Variants in TP63 observed in about 807,000 individuals in gnomAD.
The protein encoded by TP63 is tumor protein 63.
TP63 carries 17 observed loss-of-function variants against 82.8 expected under a neutral mutation model. That is an observed-to-expected ratio of 0.21 (90% CI 0.14 to 0.31). TP63 has a LOEUF of 0.31. Ranked by LOEUF, TP63 falls within the 10% of genes least tolerant of loss-of-function variation. TP63 has a pLI of 1.00. For synonymous variants in TP63, 330 were observed against 321.7 expected (o/e 1.03, Z -0.28); for missense variants, 648 against 895.3 (o/e 0.72, Z 3.52).
At position 189,896,129 on chromosome 3, in the gene TP63, T is replaced by C. The variant is rs1031088555; in HGVS notation, c.*1627T>C. 1 of 220,812 alleles carries C rather than the reference T, an allele frequency of 4.5e-6. No homozygotes were observed. Among genetic ancestry groups the C allele is most frequent in the Non-Finnish European group, 9.1e-6 (1 of 110,020 alleles). 13.7% of individuals were successfully genotyped at this position (220,812 alleles called of 1,614,324 possible). A position where few individuals can be genotyped will look rare whatever the true frequency, so the allele number is the denominator to read the frequency against. On this transcript the variant is annotated 3_prime_UTR_variant, in exon 14 of 14. Transcript: ENST00000264731. ...ATGCATGCAAATGAGCTCTGAAATCTTCCCATGCATTCTGGTCAAGGGCTG... is the reference window on the plus strand; with the variant it reads ...ATGCATGCAAATGAGCTCTGAAATCCTCCCATGCATTCTGGTCAAGGGCTG...
At chr3:189,769,611 T>C (rs756381428) in intron 3 of TP63, among the ~76,000 whole-genome samples, 1 of 152,190 alleles carries the variant, frequency 6.6e-6, no homozygotes, top group African/African-American at 2.4e-5. Context: ...ACAAATATGA[T>C]TATAATAAAT....
At chr3:189,682,532 A>AG (rs762483663) in intron 1 of TP63, among the ~76,000 whole-genome samples, 1 of 57,482 alleles carries the variant, frequency 1.7e-5, no homozygotes, top group Non-Finnish European at 3.2e-5. Flanking sequence ...CTTGGTCCTA[A>AG]GGGGAAAAAA....
At chr3:189,873,173 A>G (rs901570600) in intron 10 of TP63, 178 bp downstream of exon 10, 1 of 824,744 alleles carries the variant, frequency 1.2e-6, no homozygotes, top group Non-Finnish European at 2.0e-6. Flanking sequence ...GTGTCTTATT[A>G]TAACCTTCCC....
chr3:189,829,691 TAAAG>T (rs1406874296), intron 4 of TP63, among the ~76,000 whole-genome samples: 2 of 152,162 alleles, frequency 1.3e-5, no homozygotes, highest in Admixed American at 6.5e-5. Context: ...TTGGAGCTCT[TAAAG>T]AAAAATAAAA....
chr3:189,660,531 C>T (rs1275061710), intron 1 of TP63, among the ~76,000 whole-genome samples: 1 of 152,034 alleles, frequency 6.6e-6, no homozygotes, highest in South Asian at 2.1e-4. Flanking sequence ...CTTAGGATTG[C>T]TTTGAATTTT....
At chr3:189,709,960 A>G (rs1485385103) in intron 1 of TP63, among the ~76,000 whole-genome samples, 1 of 152,210 alleles carries the variant, frequency 6.6e-6, no homozygotes, top group Non-Finnish European at 1.5e-5. Flanking sequence ...CATATTTATC[A>G]ATAAATGCTT....
chr3:189,668,357 T>A (rs919624393), intron 1 of TP63, among the ~76,000 whole-genome samples: 1 of 148,790 alleles, frequency 6.7e-6, no homozygotes, highest in African/African-American at 2.5e-5. Flanking sequence ...AATAAAAACT[T>A]AAAGGAAACT....
intron 1 of TP63, among the ~76,000 whole-genome samples, chr3:189,656,999 G>GA (rs1332036133): frequency 1.5e-5 from 2 of 131,826 alleles, no homozygotes; most frequent in East Asian, 2.2e-4. Context: ...GCAAAAAAAA[G>GA]AAAAAATATT....
At chr3:189,600,699 T>TCCTTACTACCAGG in the TP63 span, among the ~76,000 whole-genome samples, 1 of 152,174 alleles carries the variant, frequency 6.6e-6, no homozygotes, top group East Asian at 1.9e-4. Flanking sequence ...CTACTAAAAC[T>TCCTTACTACCAGG]CCTTACTACC....
At chr3:189,654,110 C>A (rs1468925553) in intron 1 of TP63, among the ~76,000 whole-genome samples, 1 of 152,084 alleles carries the variant, frequency 6.6e-6, no homozygotes, top group Non-Finnish European at 1.5e-5. Context: ...CAAGTTTGTA[C>A]TTATTAGCCT....
At chr3:189,882,969 C>G (rs1271722877) in intron 10 of TP63, among the ~76,000 whole-genome samples, 5 of 152,100 alleles carry the variant, frequency 3.3e-5, no homozygotes, top group African/African-American at 1.2e-4. Flanking sequence ...TAGTGAGGCT[C>G]TAGAGAAAAC....
intron 1 of TP63, among the ~76,000 whole-genome samples, chr3:189,677,198 TTG>T (rs140059391): frequency 1.7e-4 from 25 of 148,584 alleles, no homozygotes; most frequent in Middle Eastern, 3.5e-3. Context: ...TGGTGTGTGT[TTG>T]TGTGTGTGTG....
intron 11 of TP63, among the ~76,000 whole-genome samples, chr3:189,888,010 C>T (rs1164901830): frequency 6.6e-6 from 1 of 152,100 alleles, no homozygotes; most frequent in Non-Finnish European, 1.5e-5. Context: ...GCGTGCACCA[C>T]CACGCCCGGC....
At chr3:189,662,247 G>A (rs868518911) in intron 1 of TP63, among the ~76,000 whole-genome samples, 7 of 152,094 alleles carry the variant, frequency 4.6e-5, no homozygotes, top group Admixed American at 3.3e-4. Context: ...GCATCCCAAC[G>A]ATTTTGGTAT....
At chr3:189,833,501 T>C (rs925462361) in intron 4 of TP63, among the ~76,000 whole-genome samples, 7 of 152,226 alleles carry the variant, frequency 4.6e-5, no homozygotes, top group African/African-American at 1.7e-4. Context: ...TGGGGACTTA[T>C]ATGTATTTTC....
At chr3:189,665,275 T>C (rs554214584) in intron 1 of TP63, among the ~76,000 whole-genome samples, 7 of 152,264 alleles carry the variant, frequency 4.6e-5, no homozygotes, top group South Asian at 4.1e-4. Context: ...CAGGGATTTT[T>C]ATCTCAGATA....
intron 1 of TP63, among the ~76,000 whole-genome samples, chr3:189,655,410 A>G (rs965467330): frequency 2.6e-5 from 4 of 152,166 alleles, no homozygotes; most frequent in Non-Finnish European, 5.9e-5. Flanking sequence ...GCATCACCTG[A>G]GGTCAAGAGT....
rs34713855 is a variant in TP63 at position 189,894,480 on chromosome 3, G to T, written c.2021G>T (p.Arg674Leu). 2 of 1,613,608 alleles carry T rather than the reference G, an allele frequency of 1.2e-6. No homozygotes were observed. The highest frequency in any genetic ancestry group is 1.7e-6 in the Non-Finnish European group (2 of 1,179,986). The change falls in exon 14 of 14, where the codon CGC becomes CTC. Residue 674 changes from arginine to leucine, a missense_variant. Arg to Leu is a moderately radical substitution (Grantham distance 102). Around this residue, in one of 5 missense-constraint regions of TP63, gnomAD observed 342 missense variants for 425.7 expected, o/e 0.80. Coordinates refer to ENST00000264731, the MANE Select transcript of TP63 (RefSeq NM_003722.5). ...GATGCTCGCCGCAATAAGCAACAGCGCATCAAAGAGGAGGGGGAGTGAGCC... is the reference window on the plus strand; with the variant it reads ...GATGCTCGCCGCAATAAGCAACAGCTCATCAAAGAGGAGGGGGAGTGAGCC... ...DMDARRNKQQ[R>L]IKEEGE
At position 189,719,637 on chromosome 3, in the gene TP63, AG is replaced by A. The variant is rs1719231745; in HGVS notation, c.63-18101del. On this transcript the variant is annotated intron_variant, in intron 1 of 13. Coordinates refer to ENST00000264731, the MANE Select transcript of TP63 (RefSeq NM_003722.5). Reference sequence around the variant, plus strand: ...CACAGCTACTCAGCTCTGCCGTCGCAGGTTGAAAGCAGTCATAGACTACACC... The same window carrying A: ...CACAGCTACTCAGCTCTGCCGTCGCAGTTGAAAGCAGTCATAGACTACACC... Among the ~76,000 whole-genome samples the A allele has an allele frequency of 2.0e-5, 3 of 152,200 alleles. No individual in the cohort carries two copies. In the South Asian group the frequency reaches 6.2e-4, roughly 32 times the overall value.
Sources: gnomAD v4.1 joint callset for allele counts (sites outside exome capture counted in the v4.1 genomes callset) on GRCh38, gnomAD v4.1.1 for gene constraint, gnomAD v4.1.1 regional missense constraint, MANE v1.5 for transcripts, NCBI Gene and HGNC (gene_info 2026-07-23, HGNC 2026-07-21) for gene names.